MMP26: variants seen among roughly 807,000 people sequenced by gnomAD.
MMP26 encodes matrix metalloproteinase-26.
A neutral mutation model predicts 31.0 loss-of-function variants in MMP26; 33 were observed. That is an observed-to-expected ratio of 1.06 (90% CI 0.81 to 1.42). The LOEUF is 1.42. Ranked by LOEUF, MMP26 falls within the 40% of genes most tolerant of loss-of-function variation. The pLI is 0.00. For missense variants in MMP26, 347 were observed against 316.1 expected (o/e 1.10, Z -0.74); for synonymous variants, 122 against 114.9 (o/e 1.06, Z -0.40).
chr11:4,971,196 G>C (rs1846661336), intron 2 of MMP26, among the ~76,000 whole-genome samples: 1 of 152,196 alleles, frequency 6.6e-6, no homozygotes, highest in South Asian at 2.1e-4. Flanking sequence ...AAGACTTCCA[G>C]CCCAGCAGTT....
chr11:4,844,277 A>G (rs1849837332), intron 2 of MMP26, among the ~76,000 whole-genome samples: 1 of 152,172 alleles, frequency 6.6e-6, no homozygotes, highest in Non-Finnish European at 1.5e-5. Flanking sequence ...GCCACAATGA[A>G]AAGCCTTCCC....
chr11:4,742,406 G>T (rs542830251), intron 1 of MMP26, among the ~76,000 whole-genome samples: 3 of 152,194 alleles, frequency 2.0e-5, no homozygotes, highest in African/African-American at 4.8e-5. Flanking sequence ...TGAGACCTAA[G>T]TTCCAAGTAT....
chr11:4,723,502 T>C, intron 1 of MMP26: 1 of 1,145,124 alleles, frequency 8.7e-7, no homozygotes, highest in Non-Finnish European at 1.3e-6. Context: ...CTCCTCTTCA[T>C]ACAGCTGCCT....
intron 1 of MMP26, among the ~76,000 whole-genome samples, chr11:4,721,530 A>C (rs1157974407): frequency 6.6e-6 from 1 of 152,186 alleles, no homozygotes; most frequent in Admixed American, 6.5e-5. Flanking sequence ...TTTGGAGCTT[A>C]CTGGCTTTCA....
At chr11:4,928,101 A>T (rs1851298601) in intron 2 of MMP26, among the ~76,000 whole-genome samples, 1 of 141,708 alleles carries the variant, frequency 7.1e-6, no homozygotes, top group South Asian at 2.2e-4. Flanking sequence ...CTTTCTAGCC[A>T]TGTGACTATA....
intron 2 of MMP26, among the ~76,000 whole-genome samples, chr11:4,925,533 G>A (rs966000887): frequency 6.6e-6 from 1 of 152,064 alleles, no homozygotes; most frequent in African/African-American, 2.4e-5. Context: ...TATATGTAGC[G>A]ATTGTGGTGT....
chr11:4,953,738 T>C (rs7110362), intron 2 of MMP26, among the ~76,000 whole-genome samples: 77,711 of 122,772 alleles, frequency 0.63, 31,989 homozygotes, highest in South Asian at 0.79. Context: ...AGGGTCCAGC[T>C]CATGTAGGGT....
rs1589901476 is a variant in MMP26, at chr11:4,790,628, G to A, written c.-145+23287G>A. Among the ~76,000 whole-genome samples the A allele has an allele frequency of 2.6e-5, 4 of 152,258 alleles. No individual in the cohort carries two copies. In the South Asian group the frequency reaches 8.3e-4, roughly 31 times the overall value. ...TCTCCAGAATGAGGGTGGTGTATGA[G>A]CAAAAATAGTAGGAAAGGGCCCAGG... On this transcript the variant is annotated intron_variant, in intron 2 of 7. Transcript: ENST00000380390.
At chr11:4,961,240 C>T (rs2133621149) in intron 2 of MMP26, among the ~76,000 whole-genome samples, 2 of 152,294 alleles carry the variant, frequency 1.3e-5, no homozygotes, top group East Asian at 3.9e-4. Flanking sequence ...TGTGATAATG[C>T]ATTTTCATGG....
intron 2 of MMP26, among the ~76,000 whole-genome samples, chr11:4,770,265 G>A (rs71480714): frequency 0.09 from 13,633 of 152,144 alleles, 816 homozygotes; most frequent in Middle Eastern, 0.15. Flanking sequence ...GAAAAAATAA[G>A]TATCCTCAAT....
intron 1 of MMP26, among the ~76,000 whole-genome samples, chr11:4,708,262 C>G (rs1847808214): frequency 6.6e-6 from 1 of 152,210 alleles, no homozygotes; most frequent in African/African-American, 2.4e-5. Context: ...TTCAAAATTT[C>G]CAGCCACTAT....
At chr11:4,812,405 T>A (rs56790797) in intron 2 of MMP26, among the ~76,000 whole-genome samples, 2,661 of 152,172 alleles carry the variant, frequency 0.017, 67 homozygotes, top group African/African-American at 0.061. Flanking sequence ...GTTGCCAAGG[T>A]TGAGGTGACA....
At position 4,748,729 on chromosome 11, in the gene MMP26, G is replaced by A. The variant is rs1207961429; in HGVS notation, c.-216-18541G>A. ...GGCAATAGTTGCAGAATAAGCAATT[G>A]ATAAAATTCAGCATGAGTTCGTGAA... On this transcript the variant is annotated intron_variant, in intron 1 of 7. Transcript: ENST00000380390. 2.6e-5 allele frequency among the ~76,000 whole-genome samples: 4 copies of A among 151,588 alleles called. No individual in the cohort carries two copies. In the East Asian group the frequency reaches 5.8e-4, roughly 22 times the overall value.
At chr11:4,821,427 G>A (rs369696129) in intron 2 of MMP26, 6 of 1,613,684 alleles carry the variant, frequency 3.7e-6, no homozygotes, top group Admixed American at 1.7e-5. Flanking sequence ...TCCCTATGTC[G>A]GTCCTCAATA....
chr11:4,772,678 T>C (rs998882587), intron 2 of MMP26, among the ~76,000 whole-genome samples: 3 of 152,246 alleles, frequency 2.0e-5, no homozygotes, highest in Non-Finnish European at 4.4e-5. Flanking sequence ...AGAGAGTTTT[T>C]TCATTTTTGT....
intron 2 of MMP26, among the ~76,000 whole-genome samples, chr11:4,819,278 G>A (rs1294610115): frequency 6.6e-6 from 1 of 152,096 alleles, no homozygotes; most frequent in Non-Finnish European, 1.5e-5. Flanking sequence ...TATTGTATAG[G>A]TGAAATATGA....
intron 2 of MMP26, among the ~76,000 whole-genome samples, chr11:4,964,763 C>T (rs955948673): frequency 7.9e-5 from 12 of 151,994 alleles, no homozygotes; most frequent in African/African-American, 2.2e-4. Context: ...TCATGTCCTT[C>T]GCAGCGACAA....
chr11:4,782,662 A>G (rs1007408917), intron 2 of MMP26, among the ~76,000 whole-genome samples: 5 of 152,200 alleles, frequency 3.3e-5, no homozygotes, highest in African/African-American at 1.2e-4. Context: ...TCTCCAGGGC[A>G]TGTCAGAGAC....
chr11:4,911,830 T>C (rs1199064051), intron 2 of MMP26, among the ~76,000 whole-genome samples: 1 of 152,202 alleles, frequency 6.6e-6, no homozygotes, highest in African/African-American at 2.4e-5. Context: ...CTGTTGTCTG[T>C]CTCTACCACC....
Sources: allele counts gnomAD v4.1 joint callset (sites outside exome capture counted in the v4.1 genomes callset), GRCh38; gene constraint gnomAD v4.1.1; transcripts MANE v1.5; gene names NCBI Gene and HGNC (gene_info 2026-07-23, HGNC 2026-07-21).